The following HCRTR2 variants were observed in gnomAD, a reference collection of about 807,000 sequenced individuals.
The protein encoded by HCRTR2 is hypocretin receptor 2.
Under a neutral mutation model 49.0 loss-of-function variants are expected in HCRTR2, and 22 were observed. The observed-to-expected ratio is 0.45, with a 90% confidence interval of 0.32 to 0.64. The LOEUF is 0.64. HCRTR2 is among the 30% of genes least tolerant of loss of function. HCRTR2 has a pLI of 0.04. For missense variants in HCRTR2, 491 were observed against 559.4 expected, an observed-to-expected ratio of 0.88 and a Z score of 1.23; for synonymous variants, 236 against 205.3, an observed-to-expected ratio of 1.15 and a Z score of -1.28.
intron 1 of HCRTR2, among the ~76,000 whole-genome samples, chr6:55,131,346 G>T (rs1457494226): frequency 6.6e-6 from 1 of 151,708 alleles, no homozygotes; most frequent in Non-Finnish European, 1.5e-5. Context: ...TATCTTTAAA[G>T]AAAACATTTA....
intron 1 of HCRTR2, among the ~76,000 whole-genome samples, chr6:55,136,293 A>G (rs977550742): frequency 2.0e-5 from 3 of 152,186 alleles, no homozygotes; most frequent in African/African-American, 2.4e-5. Context: ...TCAATGCCTG[A>G]TTCTAAACCT....
chr6:55,216,342 G>T (rs1033848817), intron 1 of HCRTR2, among the ~76,000 whole-genome samples: 9 of 152,056 alleles, frequency 5.9e-5, no homozygotes, highest in Non-Finnish European at 1.0e-4. Flanking sequence ...TAGCCCCAAA[G>T]TCTTAACCTG....
At chr6:55,130,899 CA>C (rs1390095192) in intron 1 of HCRTR2, among the ~76,000 whole-genome samples, 1 of 151,702 alleles carries the variant, frequency 6.6e-6, no homozygotes, top group African/African-American at 2.4e-5. Flanking sequence ...TCTTCATGTA[CA>C]AAATAAAGAT....
In HCRTR2 at chr6:55,277,533, T is replaced by C. The variant is rs1399956346; in HGVS notation, c.916T>C (p.Leu306=). 3.1e-6 allele frequency: 5 copies of C among 1,614,008 alleles called. No individual in the cohort carries two copies. The East Asian group carries it at 8.9e-5, about 29-fold the overall frequency. The change falls in exon 5 of 7, where the codon TTG becomes CTG. Residue 306 remains leucine, a synonymous_variant. Coordinates refer to ENST00000370862, the MANE Select transcript of HCRTR2 (RefSeq NM_001384272.1). ...AGCCAGAAGGAAAACAGCCCGGATG[T>C]TGATGATTGTGCTTTTGGTATTTGC... ...IRARRKTARM[L]MIVLLVFAIC...
intron 1 of HCRTR2, among the ~76,000 whole-genome samples, chr6:55,210,668 T>A (rs1765679843): frequency 6.6e-6 from 1 of 152,126 alleles, no homozygotes; most frequent in Non-Finnish European, 1.5e-5. Context: ...CATTTCCTGA[T>A]CACTGTCCCT....
At chr6:55,185,822 C>A (rs1765208615) in intron 1 of HCRTR2, among the ~76,000 whole-genome samples, 1 of 152,156 alleles carries the variant, frequency 6.6e-6, no homozygotes, top group African/African-American at 2.4e-5. Context: ...AGCATGATTT[C>A]TTTTCCTTGA....
intron 1 of HCRTR2, among the ~76,000 whole-genome samples, chr6:55,136,642 G>A (rs1055818556): frequency 6.6e-6 from 1 of 152,080 alleles, no homozygotes; most frequent in East Asian, 1.9e-4. Context: ...TCAAATTTAG[G>A]TGACTTACCC....
chr6:55,230,262 T>A (rs190559263), intron 1 of HCRTR2, among the ~76,000 whole-genome samples: 4 of 152,344 alleles, frequency 2.6e-5, no homozygotes, highest in African/African-American at 9.6e-5. Context: ...CTGCTAAGAT[T>A]TGAGCAACAA....
At chr6:55,136,346 T>A (rs950684140) in intron 1 of HCRTR2, among the ~76,000 whole-genome samples, 2 of 152,052 alleles carry the variant, frequency 1.3e-5, no homozygotes, top group African/African-American at 4.8e-5. Flanking sequence ...TAATAATGAG[T>A]CAAACTAACT....
At chr6:55,162,747 A>G (rs766264844) in intron 1 of HCRTR2, among the ~76,000 whole-genome samples, 1 of 152,210 alleles carries the variant, frequency 6.6e-6, no homozygotes, top group African/African-American at 2.4e-5. Context: ...AATACCTAGG[A>G]ATACAACTTA....
At chr6:55,199,794 TCCTAGGTTTCTC>T (rs1765478739) in intron 1 of HCRTR2, among the ~76,000 whole-genome samples, 1 of 152,180 alleles carries the variant, frequency 6.6e-6, no homozygotes, top group Non-Finnish European at 1.5e-5. Context: ...TGTATTAAAA[TCCTAGGTTTCTC>T]CCTTGTTTGC....
intron 1 of HCRTR2, among the ~76,000 whole-genome samples, chr6:55,219,994 A>G (rs1765861998): frequency 6.6e-6 from 1 of 152,160 alleles, no homozygotes; most frequent in Non-Finnish European, 1.5e-5. Flanking sequence ...GACTGAATCA[A>G]GAAGAAATAC....
intron 1 of HCRTR2, among the ~76,000 whole-genome samples, chr6:55,206,600 G>A (rs1451593707): frequency 6.6e-6 from 1 of 151,822 alleles, no homozygotes; most frequent in Non-Finnish European, 1.5e-5. Context: ...ATAAGGATTT[G>A]CAAAGCCAGT....
At chr6:55,164,924 T>C (rs901232807) in intron 1 of HCRTR2, among the ~76,000 whole-genome samples, 2 of 152,034 alleles carry the variant, frequency 1.3e-5, no homozygotes, top group East Asian at 1.9e-4. Flanking sequence ...CAAGATGACA[T>C]GGCAAAGGAA....
chr6:55,155,086 T>C (rs1210845138), intron 1 of HCRTR2, among the ~76,000 whole-genome samples: 2 of 151,716 alleles, frequency 1.3e-5, no homozygotes, highest in Non-Finnish European at 3.0e-5. Flanking sequence ...GAAGATACAA[T>C]AAATGGAAGA....
At chr6:55,166,272 G>T (rs1263725012) in intron 1 of HCRTR2, among the ~76,000 whole-genome samples, 1 of 151,930 alleles carries the variant, frequency 6.6e-6, no homozygotes, top group African/African-American at 2.4e-5. Context: ...TAAGGATATT[G>T]GCCTGTAGTT....
At chr6:55,201,716 C>G (rs983002916) in intron 1 of HCRTR2, among the ~76,000 whole-genome samples, 5 of 152,054 alleles carry the variant, frequency 3.3e-5, no homozygotes, top group African/African-American at 1.2e-4. Flanking sequence ...GGGGAATTTG[C>G]ATAAATCTAT....
At chr6:55,160,007 G>A (rs12214155) in intron 1 of HCRTR2, among the ~76,000 whole-genome samples, 25,250 of 152,024 alleles carry the variant, frequency 0.17, 2,285 homozygotes, top group East Asian at 0.28. Flanking sequence ...GATACTCCTC[G>A]AGAAAAACAA....
chr6:55,255,502 C>A, intron 3 of HCRTR2, 123 bp downstream of exon 3: 1 of 1,182,820 alleles, frequency 8.5e-7, no homozygotes, highest in Admixed American at 1.9e-5. Context: ...TACAGTTTTG[C>A]AAGAGCATGA....
Sources: gnomAD v4.1 joint callset for allele counts (sites outside exome capture counted in the v4.1 genomes callset) on GRCh38, gnomAD v4.1.1 for gene constraint, MANE v1.5 for transcripts, NCBI Gene and HGNC (gene_info 2026-07-23, HGNC 2026-07-21) for gene names.